The following HCRTR2 variants were observed in gnomAD, a reference collection of about 807,000 sequenced individuals.
HCRTR2 encodes the protein orexin receptor type 2.
Under a neutral mutation model 49.0 loss-of-function variants are expected in HCRTR2, and 22 were observed. The ratio of observed to expected loss-of-function variants is 0.45; its 90% confidence interval spans 0.32 to 0.64. The LOEUF (loss-of-function observed/expected upper bound fraction) is 0.64. Ranked by LOEUF, HCRTR2 falls within the 30% of genes least tolerant of loss-of-function variation. HCRTR2 has a pLI of 0.04. For synonymous variants in HCRTR2, 236 were observed against 205.3 expected (o/e 1.15, Z -1.28); for missense variants, 491 against 559.4 (o/e 0.88, Z 1.23).
chr6:55,176,866 TC>T (rs1765049121), intron 1 of HCRTR2, among the ~76,000 whole-genome samples: 1 of 152,192 alleles, frequency 6.6e-6, no homozygotes, highest in South Asian at 2.1e-4. Context: ...ACTGTCATTC[TC>T]TTCACCAAAA....
At chr6:55,281,699 A>G (rs545049410) in intron 6 of HCRTR2, among the ~76,000 whole-genome samples, 1 of 152,142 alleles carries the variant, frequency 6.6e-6, no homozygotes, top group East Asian at 1.9e-4. Context: ...TTCCCCCTTC[A>G]GTTTTTGTTC....
chr6:55,278,064 G>A (rs1767113737), intron 5 of HCRTR2, among the ~76,000 whole-genome samples: 4 of 152,040 alleles, frequency 2.6e-5, no homozygotes, highest in South Asian at 4.2e-4. Flanking sequence ...GTGCATTGGC[G>A]AGCACTTTTT....
At position 55,114,672 on chromosome 6, in the gene HCRTR2, T is replaced by A. The variant is rs555946951; in HGVS notation, c.-378+8127T>A. Among the ~76,000 whole-genome samples, 4 of 151,990 alleles carry A rather than the reference T, an allele frequency of 2.6e-5. No homozygotes were observed. The East Asian group carries it at 5.8e-4, about 22-fold the overall frequency. On this transcript the variant is annotated intron_variant, in intron 1 of 7. Transcript: ENST00000615358. ...TATACAATAGTTGCTTAAAAATTTA[T>A]AATTTGTCTCCAAAATTTTCAGATG...
chr6:55,211,128 T>A (rs1193976495), intron 1 of HCRTR2, among the ~76,000 whole-genome samples: 1 of 152,150 alleles, frequency 6.6e-6, no homozygotes, highest in African/African-American at 2.4e-5. Flanking sequence ...AGGTGTGTAG[T>A]AGGCTATACC....
chr6:55,125,274 C>T (rs531223821), intron 1 of HCRTR2, among the ~76,000 whole-genome samples: 3 of 152,138 alleles, frequency 2.0e-5, no homozygotes, highest in Admixed American at 6.5e-5. Context: ...CTATGTTTAG[C>T]GCTTCCTTCA....
At chr6:55,116,518 G>C (rs559760671) in intron 1 of HCRTR2, among the ~76,000 whole-genome samples, 13 of 150,996 alleles carry the variant, frequency 8.6e-5, no homozygotes, top group African/African-American at 3.2e-4. Context: ...AAAGGAAAGA[G>C]GGAAGAAGGG....
At chr6:55,150,141 T>TA (rs889214840) in intron 1 of HCRTR2, among the ~76,000 whole-genome samples, 7 of 151,774 alleles carry the variant, frequency 4.6e-5, no homozygotes, top group African/African-American at 1.7e-4. Flanking sequence ...TATTCTACAT[T>TA]AAAAAAACAT....
chr6:55,220,793 T>C (rs542613366), intron 1 of HCRTR2, among the ~76,000 whole-genome samples: 4 of 152,282 alleles, frequency 2.6e-5, no homozygotes, highest in African/African-American at 9.6e-5. Context: ...TATAATAATC[T>C]TATATGTAGA....
At chr6:55,236,675 A>G (rs982218375) in intron 1 of HCRTR2, among the ~76,000 whole-genome samples, 15 of 152,122 alleles carry the variant, frequency 9.9e-5, no homozygotes, top group African/African-American at 3.4e-4. Flanking sequence ...CAATCCCAAT[A>G]TGACAACTTG....
intron 1 of HCRTR2, among the ~76,000 whole-genome samples, chr6:55,128,570 C>A (rs948521849): frequency 5.3e-5 from 8 of 152,106 alleles, no homozygotes; most frequent in African/African-American, 1.9e-4. Flanking sequence ...GAATATTTTT[C>A]ATTTGTTTAG....
At chr6:55,141,563 T>A (rs1397676635) in intron 1 of HCRTR2, among the ~76,000 whole-genome samples, 1 of 152,170 alleles carries the variant, frequency 6.6e-6, no homozygotes, top group Non-Finnish European at 1.5e-5. Flanking sequence ...TTAAAGAACA[T>A]TACTTTTGTA....
At chr6:55,200,234 C>CG (rs1765487503) in intron 1 of HCRTR2, among the ~76,000 whole-genome samples, 1 of 98,868 alleles carries the variant, frequency 1.0e-5, no homozygotes, top group Admixed American at 1.2e-4. Flanking sequence ...TGTTTGCTGT[C>CG]TTGTGTGTGT....
At chr6:55,269,530 T>C (rs1242081398) in intron 4 of HCRTR2, among the ~76,000 whole-genome samples, 1 of 152,146 alleles carries the variant, frequency 6.6e-6, no homozygotes, top group South Asian at 2.1e-4. Flanking sequence ...GATGAAAGAT[T>C]AATATATATA....
In HCRTR2 at chr6:55,263,693, G is replaced by T. The variant is rs201049624; in HGVS notation, c.647-14G>T. 81 of 1,444,432 alleles carry T rather than the reference G, an allele frequency of 5.6e-5. No individual in the cohort carries two copies. The highest frequency in any genetic ancestry group is 1.2e-4 in the Admixed American group (7 of 59,464). The allele number at this position is 1,444,432 out of a possible 1,614,324, so 89.5% of individuals were successfully genotyped here. ...TTGTAACGTAAGGTTTTGTTGTTTT[G>T]ACTTTCATCCTAGGTGAAATTTATC... On this transcript the variant is annotated splice_polypyrimidine_tract_variant and intron_variant, in intron 3 of 6. Transcript: ENST00000370862.
chr6:55,192,537 C>T (rs9370400), intron 1 of HCRTR2, among the ~76,000 whole-genome samples: 5 of 151,936 alleles, frequency 3.3e-5, no homozygotes, highest in African/African-American at 4.8e-5. Context: ...TACAGTGAGC[C>T]GTGATTCCAC....
chr6:55,277,789 T>C (rs947666239), intron 5 of HCRTR2, among the ~76,000 whole-genome samples, 189 bp downstream of exon 5: 1 of 152,096 alleles, frequency 6.6e-6, no homozygotes, highest in African/African-American at 2.4e-5. Flanking sequence ...TGCTCAGACA[T>C]GTGCTTTTGT....
chr6:55,149,092 C>T (rs994650084), intron 1 of HCRTR2, among the ~76,000 whole-genome samples: 2 of 151,958 alleles, frequency 1.3e-5, no homozygotes, highest in Non-Finnish European at 2.9e-5. Context: ...GCCAGAGAAC[C>T]TTATAAAAAA....
chr6:55,165,125 A>G (rs914126151), intron 1 of HCRTR2, among the ~76,000 whole-genome samples: 7 of 152,168 alleles, frequency 4.6e-5, no homozygotes, highest in Admixed American at 1.3e-4. Flanking sequence ...GTCAGAGGAG[A>G]CAAAAGAAGA....
chr6:55,212,124 A>C (rs1162134093), intron 1 of HCRTR2, among the ~76,000 whole-genome samples: 1 of 152,202 alleles, frequency 6.6e-6, no homozygotes, highest in Non-Finnish European at 1.5e-5. Context: ...AGCATTCATG[A>C]ACAAATTCCT....
Sources: allele counts gnomAD v4.1 joint callset (sites outside exome capture counted in the v4.1 genomes callset), GRCh38; gene constraint gnomAD v4.1.1; transcripts MANE v1.5; gene names NCBI Gene and HGNC (gene_info 2026-07-23, HGNC 2026-07-21).